Variants in ST3GAL5 observed in about 807,000 individuals in gnomAD.
ST3GAL5 encodes ST3 beta-galactoside alpha-2,3-sialyltransferase 5, also known as lactosylceramide alpha-2,3-sialyltransferase.
A neutral mutation model predicts 46.1 loss-of-function variants in ST3GAL5; 25 were observed. The ratio of observed to expected loss-of-function variants is 0.54; its 90% confidence interval spans 0.40 to 0.76. ST3GAL5 has a LOEUF of 0.76. Among genes scored for constraint, ST3GAL5 ranks in the 30% least tolerant of loss-of-function variants. The probability of loss-of-function intolerance (pLI) is 0.00; values close to 1 mark genes in which losing one functional copy is unlikely to be tolerated. For missense variants in ST3GAL5, 431 were observed against 521.2 expected (o/e 0.83, Z 1.69); for synonymous variants, 182 against 192.7 (o/e 0.94, Z 0.46).
intron 1 of ST3GAL5, chr2:85,867,558 G>A (rs757858513): frequency 1.3e-6 from 1 of 780,456 alleles, no homozygotes; most frequent in South Asian, 1.3e-5. Flanking sequence ...CAAGGAAGAG[G>A]CTGACGAATC....
intron 1 of ST3GAL5, 77 bp from the exon 2 acceptor site, chr2:85,863,562 GCCTTTATATGTTGCATCCATA>G (rs1289342388): frequency 1.7e-5 from 26 of 1,510,282 alleles, no homozygotes; most frequent in Non-Finnish European, 2.3e-5. Flanking sequence ...TTTTCAAAGA[GCCTTTATATGTTGCATCCATA>G]CCATGGAATA....
At chr2:85,867,307 G>A (rs917509830) in intron 1 of ST3GAL5, among the ~76,000 whole-genome samples, 7 of 152,110 alleles carry the variant, frequency 4.6e-5, no homozygotes, top group Admixed American at 6.5e-5. Context: ...TCTCAGGCCC[G>A]CCCCAGTCTT....
intron 6 of ST3GAL5, among the ~76,000 whole-genome samples, chr2:85,843,551 A>AT (rs1397629980): frequency 3.3e-5 from 5 of 151,966 alleles, no homozygotes; most frequent in Admixed American, 2.6e-4. Flanking sequence ...GTCTATTCCT[A>AT]TTTTTTGCCC....
chr2:85,838,864 G>C lies in ST3GAL5; in HGVS notation c.*1280C>G, dbSNP rs909747041. 1.3e-5 allele frequency: 2 copies of C among 152,378 alleles called. No homozygotes were observed. The allele number at this position is 152,378 out of a possible 1,614,324, so 9.4% of individuals were successfully genotyped here. The stretch of plus-strand genomic sequence containing the variant: ...GATGGCGGCAGCCGAGTCTGGGGCA[G>C]GCTGGGAACAGAGTAGCAGATCTTC... On this transcript the variant is annotated 3_prime_UTR_variant, in exon 7 of 7. Transcript: ENST00000638572.
intron 1 of ST3GAL5, among the ~76,000 whole-genome samples, chr2:85,868,253 C>G (rs1160208750): frequency 6.6e-6 from 1 of 152,218 alleles, no homozygotes; most frequent in Non-Finnish European, 1.5e-5. Flanking sequence ...CAGGGGCATG[C>G]TTTGTTAATT....
intron 3 of ST3GAL5, chr2:85,851,706 G>T (rs1683531311): frequency 7.8e-7 from 1 of 1,289,272 alleles, no homozygotes; most frequent in Non-Finnish European, 1.0e-6. Flanking sequence ...TTCAGGAGCT[G>T]CAATGAAGAG....
At chr2:85,867,138 T>C (rs1685375301) in intron 1 of ST3GAL5, among the ~76,000 whole-genome samples, 1 of 152,020 alleles carries the variant, frequency 6.6e-6, no homozygotes, top group Non-Finnish European at 1.5e-5. Context: ...AAAAAAATAA[T>C]AATAAATGAA....
intron 1 of ST3GAL5, among the ~76,000 whole-genome samples, chr2:85,879,340 G>A (rs978257966): frequency 6.6e-6 from 1 of 152,184 alleles, no homozygotes; most frequent in African/African-American, 2.4e-5. Context: ...AAATTCAGGT[G>A]GCTAAAGAGG....
intron 1 of ST3GAL5, among the ~76,000 whole-genome samples, chr2:85,866,940 A>G (rs1231288621): frequency 6.6e-6 from 1 of 152,232 alleles, no homozygotes; most frequent in Non-Finnish European, 1.5e-5. Flanking sequence ...CTCAATACTG[A>G]TTAAGAGTAA....
In ST3GAL5 at chr2:85,867,454, T is replaced by C. The variant is rs1685406870; in HGVS notation, c.83-3969A>G. On this transcript the variant is annotated intron_variant, in intron 1 of 6. Coordinates refer to ENST00000638572, the MANE Select transcript of ST3GAL5 (RefSeq NM_003896.4). ...AGAAAAAGGCAGTTTTATAAAAATC[T>C]ATGCATCTACACATGTAGTTACCTC... 3.4e-5 allele frequency: 22 copies of C among 653,958 alleles called. No homozygotes were observed. The South Asian group carries it at 3.4e-4, about 10-fold the overall frequency. The allele number at this position is 653,958 out of a possible 1,614,324, so 40.5% of individuals were successfully genotyped here. A position where few individuals can be genotyped will look rare whatever the true frequency, so the allele number is the denominator to read the frequency against.
chr2:85,870,545 T>C (rs1685807890), intron 1 of ST3GAL5, among the ~76,000 whole-genome samples: 1 of 152,232 alleles, frequency 6.6e-6, no homozygotes. Flanking sequence ...ACCACCTTTA[T>C]GCAGAAAAGG....
intron 1 of ST3GAL5, among the ~76,000 whole-genome samples, chr2:85,886,423 G>T (rs963927852): frequency 2.0e-5 from 3 of 152,110 alleles, no homozygotes; most frequent in Non-Finnish European, 4.4e-5. Flanking sequence ...GAGCTCCCAG[G>T]GTCCCGGCCA....
chr2:85,874,239 G>T (rs1686272519), intron 1 of ST3GAL5, among the ~76,000 whole-genome samples: 1 of 152,156 alleles, frequency 6.6e-6, no homozygotes, highest in South Asian at 2.1e-4. Flanking sequence ...TCAATTGCCT[G>T]CTTTTTATAA....
chr2:85,875,236 T>G (rs1265831777), intron 1 of ST3GAL5, among the ~76,000 whole-genome samples: 6 of 152,108 alleles, frequency 3.9e-5, no homozygotes, highest in African/African-American at 1.2e-4. Context: ...TTTTTAATTT[T>G]TTTGTAGAGA....
At chr2:85,870,341 G>A (rs571841973) in intron 1 of ST3GAL5, 70 of 443,192 alleles carry the variant, frequency 1.6e-4, no homozygotes, top group African/African-American at 1.2e-3. Flanking sequence ...TTTCGGAGGC[G>A]ATGGTGGTTA....
intron 3 of ST3GAL5, among the ~76,000 whole-genome samples, chr2:85,856,946 A>G (rs1197860886): frequency 6.7e-6 from 1 of 150,060 alleles, no homozygotes; most frequent in Non-Finnish European, 1.5e-5. Flanking sequence ...AGGGCAGGGC[A>G]TGGTGGCTCA....
chr2:85,861,188 T>TTA lies in ST3GAL5; in HGVS notation c.310_311insTA (p.His104LeufsTer3). 2 of 1,597,742 alleles carry TTA rather than the reference T, an allele frequency of 1.3e-6. No homozygotes were observed. Among genetic ancestry groups the TTA allele is most frequent in the Non-Finnish European group, 1.7e-6 (2 of 1,165,638 alleles). On this transcript the variant is annotated frameshift_variant, in exon 3 of 7. Transcript: ENST00000638572. LOFTEE classifies it high-confidence loss of function. ...ACCAATGGGATATCTAACCTTTACATGGTCAGGGTCCACATAATGCATTTT... is the reference window on the plus strand; with the variant it reads ...ACCAATGGGATATCTAACCTTTACATTAGGTCAGGGTCCACATAATGCATTTT...
At position 85,844,569 on chromosome 2, in the gene ST3GAL5, C is replaced by A. The variant is rs757731842; in HGVS notation, c.850-15G>T. 2 of 1,613,886 alleles carry A rather than the reference C, an allele frequency of 1.2e-6. No homozygotes were observed. The highest frequency in any genetic ancestry group is 2.7e-5 in the African/African-American group (2 of 74,900). On this transcript the variant is annotated splice_polypyrimidine_tract_variant and intron_variant, in intron 5 of 6. Coordinates refer to ENST00000638572, the MANE Select transcript of ST3GAL5 (RefSeq NM_003896.4). ...ACCCAGAATGGCTAAGGAAAGCAAG[C>A]AAGCAGTTGTTAGTCATCCTTCTAG...
chr2:85,850,873 C>T (rs1683418689), intron 3 of ST3GAL5: 1 of 152,050 alleles, frequency 6.6e-6, no homozygotes, highest in East Asian at 1.9e-4. Context: ...TCCATTCTCA[C>T]CAAGAGGTTA....
Sources: gnomAD v4.1 joint callset for allele counts (sites outside exome capture counted in the v4.1 genomes callset) on GRCh38, gnomAD v4.1.1 for gene constraint, MANE v1.5 for transcripts, NCBI Gene and HGNC (gene_info 2026-07-23, HGNC 2026-07-21) for gene names.